TNPO3: variants seen among roughly 807,000 people sequenced by gnomAD.
The protein encoded by TNPO3 is transportin 3.
In TNPO3, 65 loss-of-function variants were observed where a neutral mutation model predicts 122.8. The observed-to-expected ratio is 0.53, with a 90% CI of 0.43 to 0.65. The LOEUF is 0.65. Ranked by LOEUF, TNPO3 falls within the 30% of genes least tolerant of loss-of-function variation. The probability of loss-of-function intolerance (pLI) is 0.00; values close to 1 mark genes in which losing one functional copy is unlikely to be tolerated. For missense variants in TNPO3, 850 were observed against 1,136.7 expected, an observed-to-expected ratio of 0.75 and a Z score of 3.63; for synonymous variants, 372 against 411.2, an observed-to-expected ratio of 0.90 and a Z score of 1.15.
At chr7:129,011,327 G>A (rs1471370896) in intron 4 of TNPO3, among the ~76,000 whole-genome samples, 1 of 152,112 alleles carries the variant, frequency 6.6e-6, no homozygotes, top group East Asian at 1.9e-4. Context: ...GATATTCTTT[G>A]TAAAAAGTAT....
At chr7:129,036,297 A>T (rs1413802057) in intron 1 of TNPO3, among the ~76,000 whole-genome samples, 1 of 152,090 alleles carries the variant, frequency 6.6e-6, no homozygotes, top group Non-Finnish European at 1.5e-5. Flanking sequence ...ATGGTTGCCC[A>T]GTCTGGCCTC....
At chr7:128,970,064 T>G (rs771637823) in intron 20 of TNPO3, 84 bp downstream of exon 20, 311 of 1,559,438 alleles carry the variant, frequency 2.0e-4, no homozygotes, top group Non-Finnish European at 2.3e-4. Context: ...CAGGGCTAGT[T>G]TCAAAATTAG....
In TNPO3 at chr7:129,000,134, A is replaced by G. The variant is rs7807018; in HGVS notation, c.1011+295T>C. On this transcript the variant is annotated intron_variant, in intron 7 of 22. Coordinates refer to ENST00000265388, the MANE Select transcript of TNPO3 (RefSeq NM_012470.4). The stretch of plus-strand genomic sequence containing the variant: ...GAATTTGGTGTTTTTTAGCTGTAAC[A>G]CTCTAGAGAATAAGTCAAGCTAGAC... Among the ~76,000 whole-genome samples the G allele has an allele frequency of 0.58, 87,460 of 151,870 alleles. 25,469 individuals are homozygous for G. The highest frequency in any genetic ancestry group is 0.62 in the South Asian group (2,958 of 4,808).
chr7:128,984,882 C>T (rs1455482640), intron 12 of TNPO3, among the ~76,000 whole-genome samples: 1 of 152,126 alleles, frequency 6.6e-6, no homozygotes, highest in Non-Finnish European at 1.5e-5. Flanking sequence ...CTAAACAAAT[C>T]TTGACTTAGA....
chr7:128,996,583 T>C (rs1415298117), intron 8 of TNPO3, among the ~76,000 whole-genome samples: 1 of 151,438 alleles, frequency 6.6e-6, no homozygotes, highest in Admixed American at 6.6e-5. Flanking sequence ...CTCTACTAAA[T>C]ATACAAATAA....
chr7:128,986,946 T>C (rs747329499), intron 11 of TNPO3, 26 bp from the exon 12 acceptor site: 1 of 1,561,064 alleles, frequency 6.4e-7, no homozygotes, highest in Admixed American at 2.0e-5. Flanking sequence ...AAGCAGAGAT[T>C]ACATATCTGA....
At chr7:129,020,721 G>A (rs992541858) in intron 1 of TNPO3, among the ~76,000 whole-genome samples, 2 of 152,104 alleles carry the variant, frequency 1.3e-5, no homozygotes, top group South Asian at 2.1e-4. Flanking sequence ...GATTCCAGGC[G>A]TGAGCTACCA....
intron 4 of TNPO3, among the ~76,000 whole-genome samples, chr7:129,013,434 C>CAAAAAAAAAAAA (rs3993440): frequency 7.8e-6 from 1 of 127,694 alleles, no homozygotes; most frequent in Non-Finnish European, 1.6e-5. Flanking sequence ...CAAATAATAG[C>CAAAAAAAAAAAA]AAAAAAAAAA....
intron 2 of TNPO3, among the ~76,000 whole-genome samples, chr7:129,017,666 G>T (rs1803997842): frequency 1.3e-5 from 2 of 152,188 alleles, no homozygotes; most frequent in African/African-American, 4.8e-5. Context: ...AAGCCAATCA[G>T]CCCTGAAAGG....
At chr7:128,988,450 C>G (rs1395423553) in intron 11 of TNPO3, among the ~76,000 whole-genome samples, 2 of 152,078 alleles carry the variant, frequency 1.3e-5, no homozygotes, top group South Asian at 4.1e-4. Flanking sequence ...AGAACCTAGC[C>G]CAAGCAACTC....
intron 21 of TNPO3, among the ~76,000 whole-genome samples, chr7:128,959,015 AAAAG>A (rs987429249): frequency 6.6e-6 from 1 of 152,262 alleles, no homozygotes; most frequent in African/African-American, 2.4e-5. Flanking sequence ...AAAAAAAGAA[AAAAG>A]AAAGAAAATG....
chr7:128,995,358 G>A (rs141671862), intron 8 of TNPO3, among the ~76,000 whole-genome samples: 239 of 152,212 alleles, frequency 1.6e-3, no homozygotes, highest in African/African-American at 5.3e-3. Context: ...TTAAAGGCAC[G>A]TACAAGAATC....
At chr7:129,031,299 C>G (rs975292849) in intron 1 of TNPO3, among the ~76,000 whole-genome samples, 22 of 143,252 alleles carry the variant, frequency 1.5e-4, no homozygotes, top group African/African-American at 5.5e-4. Flanking sequence ...GGTTCTATGT[C>G]AAAAAAGAAA....
intron 1 of TNPO3, among the ~76,000 whole-genome samples, chr7:129,048,506 G>A (rs542176904): frequency 2.9e-4 from 44 of 152,280 alleles, no homozygotes; most frequent in Non-Finnish European, 5.6e-4. Flanking sequence ...CTCCGGCCTG[G>A]GCAACAGAGT....
intron 12 of TNPO3, among the ~76,000 whole-genome samples, chr7:128,985,504 G>A (rs1010822210): frequency 3.9e-5 from 6 of 152,268 alleles, no homozygotes; most frequent in Admixed American, 1.3e-4. Flanking sequence ...GCTGAGACAC[G>A]AGGGTCACTT....
chr7:128,996,729 C>T (rs370644982), intron 8 of TNPO3, among the ~76,000 whole-genome samples: 2 of 113,318 alleles, frequency 1.8e-5, no homozygotes, highest in African/African-American at 3.5e-5. Flanking sequence ...GGTGACAGAG[C>T]GAGACTCCGT....
intron 14 of TNPO3, among the ~76,000 whole-genome samples, chr7:128,980,435 C>G (rs1247887558): frequency 6.6e-6 from 1 of 152,152 alleles, no homozygotes; most frequent in African/African-American, 2.4e-5. Context: ...TGGTGAAAAC[C>G]CGTCTCTACT....
intron 18 of TNPO3, 49 bp from the exon 19 acceptor site, chr7:128,972,631 A>G: frequency 6.3e-7 from 1 of 1,577,056 alleles, no homozygotes; most frequent in Non-Finnish European, 8.6e-7. Context: ...TAGGCTATAA[A>G]AGCAGCCAGG....
chr7:128,998,004 A>T (rs1326303904), intron 7 of TNPO3, among the ~76,000 whole-genome samples: 3 of 129,428 alleles, frequency 2.3e-5, no homozygotes, highest in Non-Finnish European at 4.9e-5. Flanking sequence ...AGCTCAGCTA[A>T]TTTTTTTTTT....
Sources: allele counts gnomAD v4.1 joint callset (sites outside exome capture counted in the v4.1 genomes callset), GRCh38; gene constraint gnomAD v4.1.1; transcripts MANE v1.5; gene names NCBI Gene and HGNC (gene_info 2026-07-23, HGNC 2026-07-21).